CNDP1: variants seen among roughly 807,000 people sequenced by gnomAD.
CNDP1 encodes carnosine dipeptidase 1.
Under a neutral mutation model 58.1 loss-of-function variants are expected in CNDP1, and 44 were observed. The observed-to-expected ratio is 0.76, with a 90% CI of 0.60 to 0.97. CNDP1 has a LOEUF of 0.97. Among genes scored for constraint, CNDP1 ranks in the 50% least tolerant of loss-of-function variants. The pLI is 0.00. For missense variants in CNDP1, 616 were observed against 655.1 expected (o/e 0.94, Z 0.65); for synonymous variants, 254 against 252.6 (o/e 1.01, Z -0.05).
At chr18:74,562,613 T>C (rs1443299733) in intron 5 of CNDP1, among the ~76,000 whole-genome samples, 1 of 152,248 alleles carries the variant, frequency 6.6e-6, no homozygotes, top group Admixed American at 6.5e-5. Context: ...GGAATCTCCA[T>C]GACATTCTGC....
At chr18:74,537,089 G>A (rs572040185) in intron 1 of CNDP1, among the ~76,000 whole-genome samples, 6 of 152,242 alleles carry the variant, frequency 3.9e-5, no homozygotes, top group African/African-American at 9.6e-5. Flanking sequence ...TAGGTTGTCC[G>A]TTTACTCTGT....
chr18:74,571,691 A>C (rs1981483706), intron 7 of CNDP1, among the ~76,000 whole-genome samples: 1 of 152,202 alleles, frequency 6.6e-6, no homozygotes, highest in Admixed American at 6.5e-5. Flanking sequence ...CTGAAGATAA[A>C]TCAACAAAGG....
chr18:74,567,268 G>C lies in CNDP1; in HGVS notation c.591G>C (p.Gly197=). 1.2e-6 allele frequency: 2 copies of C among 1,614,192 alleles called. No individual in the cohort carries two copies. The highest frequency in any genetic ancestry group is 1.7e-6 in the Non-Finnish European group (2 of 1,180,024). Residue 197 remains glycine, a synonymous_variant, in exon 6 of 12, where the codon GGG becomes GGC. Transcript: ENST00000358821. ...TGAATATCAAATTCATCATTGAGGG[G>C]ATGGAAGAGGCTGGCTCTGTTGCCC... ...LPVNIKFIIE[G]MEEAGSVALE... is the part of the protein sequence containing the mutation.
At chr18:74,571,765 G>C (rs1185878781) in intron 7 of CNDP1, among the ~76,000 whole-genome samples, 1 of 152,208 alleles carries the variant, frequency 6.6e-6, no homozygotes, top group Non-Finnish European at 1.5e-5. Context: ...ACTTTCTCAA[G>C]AGCATCTTGT....
intron 1 of CNDP1, among the ~76,000 whole-genome samples, chr18:74,541,056 C>T (rs2144639016): frequency 6.6e-6 from 1 of 152,290 alleles, no homozygotes; most frequent in Non-Finnish European, 1.5e-5. Flanking sequence ...CTGGGAGAGG[C>T]CTGCGAGTTG....
chr18:74,585,526 T>C lies in CNDP1; in HGVS notation c.*964T>C, dbSNP rs1320506614. The C allele has an allele frequency of 1.3e-5, 2 of 151,336 alleles. No individual in the cohort carries two copies. Among genetic ancestry groups the C allele is most frequent in the African/African-American group, 2.4e-5 (1 of 41,326 alleles). 9.4% of individuals were successfully genotyped at this position (151,336 alleles called of 1,614,324 possible). ...ATTCATTAATCATTTTAGTTAACCA[T>C]CATGTTTGGCTTGATTGGATTTGAC... On this transcript the variant is annotated 3_prime_UTR_variant, in exon 12 of 12. Transcript: ENST00000358821.
chr18:74,567,124 C>T lies in CNDP1; in HGVS notation c.556-109C>T, dbSNP rs966827083. 4.6e-6 allele frequency: 4 copies of T among 876,164 alleles called. No homozygotes were observed. In the African/African-American group the frequency reaches 6.7e-5, roughly 15 times the overall value. The allele number at this position is 876,164 out of a possible 1,614,324, so 54.3% of individuals were successfully genotyped here. The stretch of plus-strand genomic sequence containing the variant: ...TCAATTACCTCCCCCTGGGTCCCTC[C>T]ACAACACGTGGGAATTCTGGGAGAT... On this transcript the variant is annotated intron_variant, in intron 5 of 11. Coordinates refer to ENST00000358821, the MANE Select transcript of CNDP1 (RefSeq NM_032649.6).
chr18:74,553,725 G>A (rs1028470747), intron 1 of CNDP1, among the ~76,000 whole-genome samples: 1 of 152,040 alleles, frequency 6.6e-6, no homozygotes, highest in Admixed American at 6.6e-5. Flanking sequence ...TTATTAGAAC[G>A]TTTTGATACA....
chr18:74,584,491 C>T lies in CNDP1; in HGVS notation c.1458-5C>T. The T allele has an allele frequency of 9.3e-6, 15 of 1,607,188 alleles. No individual in the cohort carries two copies. Among genetic ancestry groups the T allele is most frequent in the Non-Finnish European group, 1.3e-5 (15 of 1,173,850 alleles). On this transcript the variant is annotated splice_polypyrimidine_tract_variant and splice_region_variant and intron_variant, in intron 11 of 11. Coordinates refer to ENST00000358821, the MANE Select transcript of CNDP1 (RefSeq NM_032649.6). ...AAAATTTCTCTTTGTTTTTCCTCTT[C>T]TTAGGTGGAACTACATAGAGGGAAC...
chr18:74,575,909 G>A (rs369339172), intron 7 of CNDP1, among the ~76,000 whole-genome samples: 61 of 132,186 alleles, frequency 4.6e-4, no homozygotes, highest in African/African-American at 1.4e-3. Context: ...TCGCTTTGTC[G>A]CCCAGGTGGG....
At chr18:74,581,978 T>G (rs1474044350) in intron 10 of CNDP1, among the ~76,000 whole-genome samples, 2 of 152,208 alleles carry the variant, frequency 1.3e-5, no homozygotes, top group Non-Finnish European at 2.9e-5. Flanking sequence ...CTCAGGGTTA[T>G]CAGTACAAGG....
Position 74,585,193 on chromosome 18 carries a change from AT to A in CNDP1, c.*642del, listed in dbSNP as rs199621822. 6.4e-4 allele frequency: 94 copies of A among 147,398 alleles called. No homozygotes were observed. Among genetic ancestry groups the A allele is most frequent in the Middle Eastern group, 3.5e-3 (1 of 282 alleles). 9.1% of individuals were successfully genotyped at this position (147,398 alleles called of 1,614,324 possible). On this transcript the variant is annotated 3_prime_UTR_variant, in exon 12 of 12. Coordinates refer to ENST00000358821, the MANE Select transcript of CNDP1 (RefSeq NM_032649.6). ...TGGGAGTCCTTGTGCAAAGATGAGT[AT>A]TTTTTTTTTTATTCCAAGCTTCTTT... is the stretch of plus-strand genomic sequence containing the variant.
intron 10 of CNDP1, 141 bp downstream of exon 10, chr18:74,580,412 C>A (rs1458065594): frequency 1.2e-6 from 1 of 823,342 alleles, no homozygotes; most frequent in Non-Finnish European, 1.9e-6. Flanking sequence ...TGAATGCATG[C>A]CATGTGCAGG....
At chr18:74,581,587 C>T (rs970391686) in intron 10 of CNDP1, among the ~76,000 whole-genome samples, 1 of 152,172 alleles carries the variant, frequency 6.6e-6, no homozygotes, top group African/African-American at 2.4e-5. Flanking sequence ...CACATTGCTT[C>T]CCCAGAAGGC....
intron 1 of CNDP1, among the ~76,000 whole-genome samples, chr18:74,544,833 G>T (rs548205168): frequency 6.6e-6 from 1 of 151,742 alleles, no homozygotes; most frequent in Non-Finnish European, 1.5e-5. Flanking sequence ...ACCTCAGAAC[G>T]TGGCCTTATT....
At chr18:74,538,573 G>A (rs1043505407) in intron 1 of CNDP1, among the ~76,000 whole-genome samples, 2 of 152,086 alleles carry the variant, frequency 1.3e-5, no homozygotes, top group Non-Finnish European at 2.9e-5. Flanking sequence ...ATTGCCGGTT[G>A]ATACAGTAGC....
Position 74,559,343 on chromosome 18 carries a change from C to A in CNDP1, c.174C>A (p.Ala58=), listed in dbSNP as rs9807352. 51,854 of 1,613,966 alleles carry A rather than the reference C, an allele frequency of 0.032. 1,441 individuals carry two copies. The highest frequency in any genetic ancestry group is 0.14 in the African/African-American group (10,634 of 74,966). ...EFVQTLKEWV[A]IESDSVQPVP... is the part of the protein sequence containing the mutation. ...CCTAGACGCTGAAGGAGTGGGTGGC[C>A]ATCGAGAGCGACTCTGTCCAGCCTG... Residue 58 remains alanine, a synonymous_variant, in exon 3 of 12, where the codon GCC becomes GCA. Coordinates refer to ENST00000358821, the MANE Select transcript of CNDP1 (RefSeq NM_032649.6).
Position 74,586,788 on chromosome 18 carries a change from C to A in CNDP1, c.*2226C>A, listed in dbSNP as rs996795395. The stretch of plus-strand genomic sequence containing the variant: ...AAGCCCTGTGGTGATCCAGACCCTA[C>A]CCTGACGTGGGAGTCAGAAAGGAGT... On this transcript the variant is annotated 3_prime_UTR_variant, in exon 12 of 12. Transcript: ENST00000358821. 1.3e-5 allele frequency: 2 copies of A among 152,200 alleles called. No homozygotes were observed. The highest frequency in any genetic ancestry group is 2.4e-5 in the African/African-American group (1 of 41,432). The allele number at this position is 152,200 out of a possible 1,614,324, so 9.4% of individuals were successfully genotyped here.
chr18:74,545,965 A>C lies in CNDP1; in HGVS notation c.25-10373A>C, dbSNP rs1275097572. ...CATGCCCTGTTTCCCCATTGGAAAC[A>C]CGCTTTTGCCTCCGAGGAACTCAAA... On this transcript the variant is annotated intron_variant, in intron 1 of 11. Transcript: ENST00000358821. The surrounding 1 kb of genome is among the most constrained non-coding windows in gnomAD (Gnocchi z 4.1). Among the ~76,000 whole-genome samples the C allele has an allele frequency of 2.6e-5, 4 of 152,170 alleles. No homozygotes were observed. The highest frequency in any genetic ancestry group is 4.4e-5 in the Non-Finnish European group (3 of 68,036).
Sources: gnomAD v4.1 joint callset for allele counts (sites outside exome capture counted in the v4.1 genomes callset) on GRCh38, gnomAD v4.1.1 for gene constraint, Gnocchi (gnomAD v3.1) non-coding constraint, MANE v1.5 for transcripts, NCBI Gene and HGNC (gene_info 2026-07-23, HGNC 2026-07-21) for gene names.